The following CTNNA2 variants were observed in gnomAD, a reference collection of about 807,000 sequenced individuals.
CTNNA2 encodes catenin alpha 2, also known as catenin alpha-2.
A neutral mutation model predicts 101.0 loss-of-function variants in CTNNA2; 42 were observed. The ratio of observed to expected loss-of-function variants is 0.42; its 90% CI spans 0.32 to 0.54. The LOEUF is 0.54. Ranked by LOEUF, CTNNA2 falls within the 20% of genes least tolerant of loss-of-function variation. The pLI is 0.14. For synonymous variants in CTNNA2, 450 were observed against 456.4 expected, an observed-to-expected ratio of 0.99 and a Z score of 0.18; for missense variants, 871 against 1,223.1, an observed-to-expected ratio of 0.71 and a Z score of 4.29.
intron 1 of CTNNA2, chr2:79,548,124 A>C (rs1673855214): frequency 6.6e-6 from 1 of 152,202 alleles, no homozygotes; most frequent in African/African-American, 2.4e-5. Flanking sequence ...TTTTAACAAA[A>C]GGTTTTAGTA....
At chr2:79,521,157 TATATATATATA>T (rs1460423303) in intron 1 of CTNNA2, among the ~76,000 whole-genome samples, 5 of 99,892 alleles carry the variant, frequency 5.0e-5, no homozygotes, top group Non-Finnish European at 8.4e-5. Context: ...TATATATATA[TATATATATATA>T]AATTTTAAGG....
intron 2 of CTNNA2, among the ~76,000 whole-genome samples, chr2:79,300,645 A>G (rs1475319109): frequency 6.6e-6 from 1 of 152,128 alleles, no homozygotes; most frequent in Admixed American, 6.5e-5. Flanking sequence ...TTTAACTCCT[A>G]AATTTCTTAA....
chr2:80,528,914 G>A (rs1690279449), intron 9 of CTNNA2, among the ~76,000 whole-genome samples: 1 of 152,058 alleles, frequency 6.6e-6, no homozygotes. Flanking sequence ...TGTATCTGGT[G>A]GAATAATGAA....
chr2:79,457,514 C>T (rs1044921710), intron 4 of CTNNA2, among the ~76,000 whole-genome samples: 1 of 151,886 alleles, frequency 6.6e-6, no homozygotes, highest in African/African-American at 2.4e-5. Context: ...AATGTTAATT[C>T]CATTTTATTA....
intron 9 of CTNNA2, among the ~76,000 whole-genome samples, chr2:80,516,790 C>T (rs1401446224): frequency 6.6e-6 from 1 of 152,164 alleles, no homozygotes; most frequent in Non-Finnish European, 1.5e-5. Flanking sequence ...GAAATACAGA[C>T]AAATTAAGTG....
chr2:80,349,082 G>C (rs1446910781), intron 7 of CTNNA2, among the ~76,000 whole-genome samples: 1 of 152,152 alleles, frequency 6.6e-6, no homozygotes, highest in Admixed American at 6.6e-5. Flanking sequence ...GCCATGAAAG[G>C]CACTTAACAA....
At chr2:80,356,295 G>T (rs931098393) in intron 7 of CTNNA2, among the ~76,000 whole-genome samples, 1 of 152,098 alleles carries the variant, frequency 6.6e-6, no homozygotes, top group Non-Finnish European at 1.5e-5. Context: ...ATCTGTATTT[G>T]CTTTGAACAT....
chr2:80,517,692 G>A (rs895082787), intron 9 of CTNNA2, among the ~76,000 whole-genome samples: 1 of 152,142 alleles, frequency 6.6e-6, no homozygotes, highest in Non-Finnish European at 1.5e-5. Context: ...TAATATTGGG[G>A]AATCCTGCCA....
At chr2:80,168,471 G>T (rs1347004348) in intron 7 of CTNNA2, among the ~76,000 whole-genome samples, 9 of 152,054 alleles carry the variant, frequency 5.9e-5, no homozygotes, top group Non-Finnish European at 1.0e-4. Context: ...GTACAGTCTT[G>T]TCTCAGTGTC....
intron 3 of CTNNA2, among the ~76,000 whole-genome samples, chr2:79,808,406 T>C (rs796462888): frequency 3.9e-5 from 6 of 152,284 alleles, no homozygotes; most frequent in African/African-American, 1.2e-4. Flanking sequence ...GCAAAAATGG[T>C]TGGGCTCTAC....
chr2:79,280,675 G>GAT, intron 2 of CTNNA2, among the ~76,000 whole-genome samples: 1 of 65,356 alleles, frequency 1.5e-5, no homozygotes, highest in South Asian at 5.2e-4. Flanking sequence ...GAGAGAGAGA[G>GAT]AGAGAGAGAA....
intron 7 of CTNNA2, among the ~76,000 whole-genome samples, chr2:80,075,744 T>G (rs1250884054): frequency 8.8e-6 from 1 of 114,052 alleles, no homozygotes; most frequent in Admixed American, 8.5e-5. Context: ...ATAAATATTA[T>G]AAAAATAATA....
chr2:80,214,455 T>A (rs1708119216), intron 7 of CTNNA2, among the ~76,000 whole-genome samples: 1 of 152,150 alleles, frequency 6.6e-6, no homozygotes, highest in Non-Finnish European at 1.5e-5. Context: ...AGGATTTTAT[T>A]TCTCCTTCAC....
chr2:80,114,579 G>C (rs56362367), intron 7 of CTNNA2, among the ~76,000 whole-genome samples: 1 of 152,174 alleles, frequency 6.6e-6, no homozygotes, highest in Non-Finnish European at 1.5e-5. Context: ...AGCAGCAAAT[G>C]TTCACATGCA....
In CTNNA2 at chr2:79,419,216, TCA is replaced by T. The variant is rs66769517; in HGVS notation, c.-135+45204_-135+45205del. Among the ~76,000 whole-genome samples the T allele has an allele frequency of 9.6e-3, 1,456 of 152,318 alleles. 23 individuals are homozygous for T. The highest frequency in any genetic ancestry group is 0.033 in the African/African-American group (1,372 of 41,578). ...GCAATTTATTTTATCCATCACAGAC[TCA>T]GTTTCTTATTTCAAAGAATAATTTT... On this transcript the variant is annotated intron_variant, in intron 4 of 21. Transcript: ENST00000466387.
chr2:79,609,671 G>T (rs966465125), intron 1 of CTNNA2, among the ~76,000 whole-genome samples: 1 of 152,082 alleles, frequency 6.6e-6, no homozygotes, highest in Admixed American at 6.5e-5. Flanking sequence ...CTTTGAGAAA[G>T]GTGCAAAGGC....
intron 7 of CTNNA2, among the ~76,000 whole-genome samples, chr2:80,379,234 G>C (rs1044183872): frequency 6.6e-6 from 1 of 152,086 alleles, no homozygotes; most frequent in Admixed American, 6.5e-5. Context: ...AGTTTCTTAA[G>C]CTCTTTATGC....
intron 2 of CTNNA2, among the ~76,000 whole-genome samples, chr2:79,288,692 A>G (rs1050953723): frequency 1.3e-5 from 2 of 152,042 alleles, no homozygotes; most frequent in Admixed American, 1.3e-4. Flanking sequence ...CTGTTTTTCT[A>G]AGGGAGAGAA....
intron 1 of CTNNA2, among the ~76,000 whole-genome samples, chr2:79,575,004 G>A (rs1675699093): frequency 6.6e-6 from 1 of 152,116 alleles, no homozygotes; most frequent in African/African-American, 2.4e-5. Context: ...TTGGTTTCGT[G>A]TATGTCTTCT....
Sources: gnomAD v4.1 joint callset for allele counts (sites outside exome capture counted in the v4.1 genomes callset) on GRCh38, gnomAD v4.1.1 for gene constraint, MANE v1.5 for transcripts, NCBI Gene and HGNC (gene_info 2026-07-23, HGNC 2026-07-21) for gene names.